DNAJC6: variants seen among roughly 807,000 people sequenced by gnomAD.
The protein encoded by DNAJC6 is auxilin.
In DNAJC6, 34 loss-of-function variants were observed where a neutral mutation model predicts 110.0. That is an observed-to-expected ratio of 0.31 (90% CI 0.24 to 0.41). The LOEUF is 0.41. Ranked by LOEUF, DNAJC6 falls within the 10% of genes least tolerant of loss-of-function variation. DNAJC6 has a pLI of 1.00. For missense variants in DNAJC6, 1,031 were observed against 1,207.8 expected (o/e 0.85, Z 2.17); for synonymous variants, 406 against 437.2 (o/e 0.93, Z 0.89).
At chr1:65,407,072 G>A (rs1292215633) in intron 16 of DNAJC6, among the ~76,000 whole-genome samples, 1 of 152,122 alleles carries the variant, frequency 6.6e-6, no homozygotes, top group Non-Finnish European at 1.5e-5. Flanking sequence ...ATATTAAATG[G>A]AAAATTCCAG....
At chr1:65,379,114 CT>C (rs1645793974) in intron 4 of DNAJC6, among the ~76,000 whole-genome samples, 1 of 152,090 alleles carries the variant, frequency 6.6e-6, no homozygotes, top group Non-Finnish European at 1.5e-5. Flanking sequence ...TCTATGTAAC[CT>C]CACAGAATAG....
At chr1:65,339,797 T>C (rs1645371366) in intron 1 of DNAJC6, among the ~76,000 whole-genome samples, 1 of 152,074 alleles carries the variant, frequency 6.6e-6, no homozygotes, top group South Asian at 2.1e-4. Flanking sequence ...GGCCAACTTG[T>C]TAGATAATAG....
At chr1:65,303,273 C>T (rs1420458353) in intron 1 of DNAJC6, among the ~76,000 whole-genome samples, 5 of 152,140 alleles carry the variant, frequency 3.3e-5, no homozygotes, top group African/African-American at 7.2e-5. Flanking sequence ...GTTGTCTTCA[C>T]CTGCCAGAGT....
intron 1 of DNAJC6, among the ~76,000 whole-genome samples, chr1:65,362,406 T>C (rs1008626491): frequency 6.6e-6 from 1 of 152,214 alleles, no homozygotes; most frequent in African/African-American, 2.4e-5. Context: ...ATCTTATATA[T>C]TGCAAGTTTT....
chr1:65,313,245 G>A (rs1204841078), intron 1 of DNAJC6, among the ~76,000 whole-genome samples: 3 of 149,410 alleles, frequency 2.0e-5, no homozygotes, highest in African/African-American at 7.4e-5. Flanking sequence ...TCTTTGTAGA[G>A]ATGGGGTTTT....
intron 4 of DNAJC6, among the ~76,000 whole-genome samples, chr1:65,369,225 C>T (rs989049214): frequency 1.3e-5 from 2 of 152,186 alleles, no homozygotes; most frequent in African/African-American, 4.8e-5. Flanking sequence ...GATCCTCTGA[C>T]CTGTCTCCTT....
intron 1 of DNAJC6, among the ~76,000 whole-genome samples, chr1:65,269,781 G>T (rs146443279): frequency 1.6e-4 from 24 of 152,110 alleles, no homozygotes; most frequent in Non-Finnish European, 3.5e-4. Context: ...AATGGGTCTG[G>T]TATTGCTTTT....
intron 16 of DNAJC6, among the ~76,000 whole-genome samples, chr1:65,408,189 A>G (rs17127601): frequency 0.18 from 28,036 of 152,180 alleles, 3,084 homozygotes; most frequent in African/African-American, 0.31. Context: ...ATTGAGAAAG[A>G]TTAAGAGGCT....
At chr1:65,356,690 C>A (rs1326420504) in intron 1 of DNAJC6, among the ~76,000 whole-genome samples, 1 of 151,764 alleles carries the variant, frequency 6.6e-6, no homozygotes, top group Non-Finnish European at 1.5e-5. Flanking sequence ...ATTATTTGAT[C>A]CTGTTGATGA....
Position 65,385,905 on chromosome 1 carries a change from A to G in DNAJC6, c.994A>G (p.Lys332Glu). The G allele has an allele frequency of 6.3e-7, 1 of 1,597,620 alleles. No individual in the cohort carries two copies. The highest frequency in any genetic ancestry group is 1.3e-5 in the African/African-American group (1 of 74,882). Reference sequence around the variant, plus strand: ...GACTTGCACAGATTTTGAACGAATGAAGTAAGTCATGATACTTTACTTCTT... The same window carrying G: ...GACTTGCACAGATTTTGAACGAATGGAGTAAGTCATGATACTTTACTTCTT... ...YSTCTDFERM[K>E]EYRVQDGKIF... The change falls in exon 7 of 19, where the codon AAA (lysine) becomes GAA (glutamate). Residue 332 changes from lysine to glutamate, a missense_variant and splice_region_variant. Physicochemically the swap from Lys to Glu is moderately conservative, Grantham distance 56. Transcript: ENST00000371069.
At position 65,384,196 on chromosome 1, in the gene DNAJC6, G is replaced by A; in HGVS notation, c.670G>A (p.Gly224Arg). 1 of 1,511,144 alleles carries A rather than the reference G, an allele frequency of 6.6e-7. No homozygotes were observed. The highest frequency in any genetic ancestry group is 8.8e-7 in the Non-Finnish European group (1 of 1,131,580). 93.6% of individuals were successfully genotyped at this position (1,511,144 alleles called of 1,614,324 possible). A position where few individuals can be genotyped will look rare whatever the true frequency, so the allele number is the denominator to read the frequency against. Residue 224 changes from glycine (G) to arginine (R), a missense_variant, in exon 6 of 19, where the codon GGA becomes AGA. Coordinates refer to ENST00000371069, the MANE Select transcript of DNAJC6 (RefSeq NM_001256864.2). ...TTTTATGCATTTTCTTTGACAGGAT[G>A]GACGGGCGGCATCATCAATTCTGGT... ...KNVCVVHCLD[G>R]RAASSILVGA... is the part of the protein sequence containing the mutation.
chr1:65,284,835 C>T (rs1385881231), intron 1 of DNAJC6, among the ~76,000 whole-genome samples: 1 of 151,976 alleles, frequency 6.6e-6, no homozygotes, highest in African/African-American at 2.4e-5. Context: ...ATTACAGGCA[C>T]CCACCACCAC....
intron 6 of DNAJC6, among the ~76,000 whole-genome samples, chr1:65,384,992 G>T (rs2101599403): frequency 1.3e-5 from 2 of 152,268 alleles, no homozygotes; most frequent in Non-Finnish European, 2.9e-5. Context: ...TTTGCCTCAG[G>T]TCTAATGCCC....
chr1:65,334,727 G>A (rs931383682), intron 1 of DNAJC6, among the ~76,000 whole-genome samples: 2 of 152,034 alleles, frequency 1.3e-5, no homozygotes, highest in African/African-American at 2.4e-5. Context: ...TGTGTAGAAA[G>A]GTGGGTTGGA....
At chr1:65,345,967 C>T (rs1302056006) in intron 1 of DNAJC6, among the ~76,000 whole-genome samples, 1 of 152,128 alleles carries the variant, frequency 6.6e-6, no homozygotes, top group Non-Finnish European at 1.5e-5. Context: ...CTTTCTTTGC[C>T]CTAGAGACCA....
chr1:65,372,244 C>G (rs778313421), intron 4 of DNAJC6, among the ~76,000 whole-genome samples: 21 of 150,614 alleles, frequency 1.4e-4, no homozygotes, highest in Non-Finnish European at 2.5e-4. Context: ...ATTTTCTATA[C>G]TTTCATTCTG....
At chr1:65,341,833 G>T (rs1435223573) in intron 1 of DNAJC6, among the ~76,000 whole-genome samples, 1 of 152,106 alleles carries the variant, frequency 6.6e-6, no homozygotes, top group Non-Finnish European at 1.5e-5. Flanking sequence ...GCTGAATTAG[G>T]AAAGAGCATC....
Position 65,389,238 on chromosome 1 carries a change from T to C in DNAJC6, c.1194-18T>C. Reference sequence around the variant, plus strand: ...CATTGTTTTTCACTGAATTTATCTTTTTTAAATCCCTATTTAGGCCTGAGT... The same window carrying C: ...CATTGTTTTTCACTGAATTTATCTTCTTTAAATCCCTATTTAGGCCTGAGT... On this transcript the variant is annotated intron_variant, in intron 9 of 18. Transcript: ENST00000371069. The C allele has an allele frequency of 6.2e-7, 1 of 1,606,956 alleles. No individual in the cohort carries two copies. Among genetic ancestry groups the C allele is most frequent in the Non-Finnish European group, 8.5e-7 (1 of 1,175,884 alleles).
intron 2 of DNAJC6, among the ~76,000 whole-genome samples, chr1:65,365,163 A>G (rs1645634357): frequency 6.6e-6 from 1 of 152,144 alleles, no homozygotes; most frequent in African/African-American, 2.4e-5. Flanking sequence ...GGATTAAATG[A>G]GATTAAAATA....
Sources: allele counts gnomAD v4.1 joint callset (sites outside exome capture counted in the v4.1 genomes callset), GRCh38; gene constraint gnomAD v4.1.1; transcripts MANE v1.5; gene names NCBI Gene and HGNC (gene_info 2026-07-23, HGNC 2026-07-21).